The following OR3A2 variants were observed in gnomAD, a reference collection of about 807,000 sequenced individuals.
The protein encoded by OR3A2 is olfactory receptor family 3 subfamily A member 2.
For missense variants in OR3A2, 318 were observed against 392.8 expected (o/e 0.81, Z 1.61); for synonymous variants, 126 against 159.3 (o/e 0.79, Z 1.57).
chr17:3,308,776 A>G (rs916729944), intron 3 of OR3A2, among the ~76,000 whole-genome samples: 2 of 152,092 alleles, frequency 1.3e-5, no homozygotes, highest in African/African-American at 4.8e-5. Context: ...TCATTGGGAA[A>G]TATCTTCCTC....
chr17:3,285,106 G>A (rs59107828), upstream of OR3A2, among the ~76,000 whole-genome samples: 2,785 of 152,136 alleles, frequency 0.018, 91 homozygotes, highest in African/African-American at 0.063. Context: ...TACTGGGAAG[G>A]TGCCTATCAA....
At chr17:3,332,963 G>T (rs2049250670) in intron 3 of OR3A2, among the ~76,000 whole-genome samples, 1 of 152,282 alleles carries the variant, frequency 6.6e-6, no homozygotes, top group South Asian at 2.1e-4. Context: ...CAGAATAACA[G>T]CGATTTTAAG....
At chr17:3,299,769 C>A (rs1242478950) in intron 3 of OR3A2, among the ~76,000 whole-genome samples, 2 of 152,170 alleles carry the variant, frequency 1.3e-5, no homozygotes, top group African/African-American at 4.8e-5. Flanking sequence ...TGCCTTAGGA[C>A]CAGCTGCTCA....
chr17:3,373,166 T>C (rs1223980287), intron 2 of OR3A2, among the ~76,000 whole-genome samples: 3 of 152,210 alleles, frequency 2.0e-5, no homozygotes, highest in African/African-American at 7.2e-5. Context: ...GAGTACTTGA[T>C]ATAGTTTCCA....
intron 3 of OR3A2, among the ~76,000 whole-genome samples, chr17:3,324,833 C>T (rs537888532): frequency 2.0e-5 from 3 of 152,200 alleles, no homozygotes; most frequent in Non-Finnish European, 2.9e-5. Context: ...GCAGTCTGCC[C>T]GTTCTCAGAT....
At chr17:3,320,152 GT>G (rs2049108256) in intron 3 of OR3A2, among the ~76,000 whole-genome samples, 1 of 151,692 alleles carries the variant, frequency 6.6e-6, no homozygotes, top group African/African-American at 2.4e-5. Context: ...TTTTTCATGT[GT>G]TTTTTGGCTG....
upstream of OR3A2, among the ~76,000 whole-genome samples, chr17:3,287,328 T>C (rs9911044): frequency 0.018 from 2,654 of 150,352 alleles, 63 homozygotes; most frequent in African/African-American, 0.06. Context: ...ATGCACATTG[T>C]ACCCATTAAG....
intron 1 of OR3A2, among the ~76,000 whole-genome samples, chr17:3,283,995 C>T (rs1225678990): frequency 6.8e-6 from 1 of 146,152 alleles, no homozygotes; most frequent in Non-Finnish European, 1.5e-5. Context: ...GCTCCCCTTA[C>T]GAGCTGTGAC....
At chr17:3,347,193 G>A (rs2049372429) in intron 2 of OR3A2, among the ~76,000 whole-genome samples, 1 of 151,832 alleles carries the variant, frequency 6.6e-6, no homozygotes, top group Non-Finnish European at 1.5e-5. Context: ...ACAACTCAAT[G>A]ATGTTGAGTA....
intron 2 of OR3A2, among the ~76,000 whole-genome samples, chr17:3,373,860 GTTTC>G (rs992510726): frequency 2.6e-5 from 4 of 151,964 alleles, no homozygotes; most frequent in African/African-American, 9.7e-5. Context: ...AATTCCTTGG[GTTTC>G]TTTTTTATTG....
intron 2 of OR3A2, among the ~76,000 whole-genome samples, chr17:3,381,495 T>C (rs767160159): frequency 1.3e-5 from 2 of 152,128 alleles, no homozygotes; most frequent in Non-Finnish European, 2.9e-5. Flanking sequence ...CTGTGCCTCG[T>C]GTTTCAACAG....
intron 1 of OR3A2, among the ~76,000 whole-genome samples, chr17:3,283,053 C>G (rs546753776): frequency 6.6e-6 from 1 of 152,112 alleles, no homozygotes; most frequent in Non-Finnish European, 1.5e-5. Flanking sequence ...TCTCCTCACC[C>G]CCTAAACTAT....
chr17:3,285,364 G>T (rs2048801963), upstream of OR3A2, among the ~76,000 whole-genome samples: 1 of 152,170 alleles, frequency 6.6e-6, no homozygotes, highest in South Asian at 2.1e-4. Context: ...TGCAAAGTCA[G>T]TTTTGGGGCC....
Position 3,332,872 on chromosome 17 carries a change from G to A in OR3A2, c.-85+3161C>T, listed in dbSNP as rs751684461. 5.3e-5 allele frequency among the ~76,000 whole-genome samples: 8 copies of A among 152,102 alleles called. No homozygotes were observed. The East Asian group carries it at 9.6e-4, about 18-fold the overall frequency. On this transcript the variant is annotated intron_variant, in intron 3 of 4. Transcript: ENST00000573491. ...TTATCTTTGTAAGCAGAGAATGTAC[G>A]TCACCTCAGGACCACTATTGTACAA...
intron 2 of OR3A2, among the ~76,000 whole-genome samples, chr17:3,379,852 C>A (rs1044630790): frequency 1.3e-5 from 2 of 152,186 alleles, no homozygotes; most frequent in Non-Finnish European, 2.9e-5. Flanking sequence ...CACAGCCAGT[C>A]ACCACACTGA....
chr17:3,319,537 C>T (rs921070258), intron 3 of OR3A2, among the ~76,000 whole-genome samples: 5 of 152,048 alleles, frequency 3.3e-5, no homozygotes, highest in Admixed American at 6.6e-5. Flanking sequence ...TCCCACCACC[C>T]CACAACAGTC....
intron 3 of OR3A2, chr17:3,310,172 C>A: frequency 2.7e-6 from 1 of 373,020 alleles, no homozygotes; most frequent in Non-Finnish European, 5.4e-6. Flanking sequence ...CCTTACATTT[C>A]ATGCGTTCTT....
At chr17:3,349,397 A>T (rs2049399648) in intron 2 of OR3A2, among the ~76,000 whole-genome samples, 2 of 151,958 alleles carry the variant, frequency 1.3e-5, no homozygotes, top group Admixed American at 6.6e-5. Flanking sequence ...CTCTGATAAA[A>T]CAGACTTTAA....
At chr17:3,334,056 T>C (rs1303796578) in intron 3 of OR3A2, among the ~76,000 whole-genome samples, 1 of 152,098 alleles carries the variant, frequency 6.6e-6, no homozygotes, top group African/African-American at 2.4e-5. Flanking sequence ...ACAATTAAGA[T>C]ATCATCTCAC....
Sources: gnomAD v4.1 joint callset for allele counts (sites outside exome capture counted in the v4.1 genomes callset) on GRCh38, gnomAD v4.1.1 for gene constraint, MANE v1.5 for transcripts, NCBI Gene and HGNC (gene_info 2026-07-23, HGNC 2026-07-21) for gene names.